The following TMPRSS15 variants were observed in gnomAD, a reference collection of about 807,000 sequenced individuals.
The protein encoded by TMPRSS15 is enteropeptidase.
In TMPRSS15, 128 loss-of-function variants were observed where a neutral mutation model predicts 125.3. That is an observed-to-expected ratio of 1.02 (90% CI 0.89 to 1.18). TMPRSS15 has a LOEUF of 1.18. Among genes scored for constraint, TMPRSS15 ranks in the 50% most tolerant of loss-of-function variants. The pLI is 0.00. For missense variants in TMPRSS15, 1,283 were observed against 1,212.7 expected (o/e 1.06, Z -0.86); for synonymous variants, 446 against 423.2 (o/e 1.05, Z -0.66).
rs147743156 is a variant in TMPRSS15, at chr21:18,332,130, T to A, written c.1608A>T (p.Thr536=). 6.2e-7 allele frequency: 1 copy of A among 1,614,106 alleles called. No individual in the cohort carries two copies. Among genetic ancestry groups the A allele is most frequent in the Non-Finnish European group, 8.5e-7 (1 of 1,179,956 alleles). ...TGTTTGGAAAGTTCGTAGAACTGAA[T>A]GTTGTATTTGGCTCCCACAGCTCAA... ...GPFELWEPNT[T]FSSTNFPNSY... The change falls in exon 14 of 25, where the codon ACA becomes ACT. Residue 536 remains threonine, a synonymous_variant. Coordinates refer to ENST00000284885, the MANE Select transcript of TMPRSS15 (RefSeq NM_002772.3).
chr21:18,294,011 G>A (rs1469721550), intron 21 of TMPRSS15, among the ~76,000 whole-genome samples: 1 of 152,136 alleles, frequency 6.6e-6, no homozygotes, highest in East Asian at 1.9e-4. Context: ...TTTTATGTAT[G>A]TAAAAGTGTA....
intron 1 of TMPRSS15, among the ~76,000 whole-genome samples, chr21:18,454,758 G>A (rs1978408097): frequency 6.6e-6 from 1 of 152,236 alleles, no homozygotes; most frequent in Admixed American, 6.5e-5. Context: ...ATTGGATAAT[G>A]CCTGTTCTCA....
intron 1 of TMPRSS15, among the ~76,000 whole-genome samples, chr21:18,416,950 C>G (rs2076181816): frequency 6.6e-6 from 1 of 152,020 alleles, no homozygotes; most frequent in Admixed American, 6.6e-5. Flanking sequence ...CAGTCAACGT[C>G]AACTGTCTTC....
At chr21:18,371,506 G>A (rs994168391) in intron 6 of TMPRSS15, among the ~76,000 whole-genome samples, 1 of 152,170 alleles carries the variant, frequency 6.6e-6, no homozygotes, top group Admixed American at 6.5e-5. Context: ...ATCAACTAGA[G>A]CCATGCTTGG....
Position 18,341,522 on chromosome 21 carries a change from C to G in TMPRSS15, c.1455G>C (p.Lys485Asn). Reference sequence around the variant, plus strand: ...CATCCAACGCAATATCACTCAGGATCTTGTTTTTAAAAGCATTAAAAGCAA... The same window carrying G: ...CATCCAACGCAATATCACTCAGGATGTTGTTTTTAAAAGCATTAAAAGCAA... Reference protein sequence around the residue: ...FKVAFNAFKNKILSDIALDDI... With the variant: ...FKVAFNAFKNNILSDIALDDI... Residue 485 changes from lysine to asparagine, a missense_variant, in exon 13 of 25, where the codon AAG becomes AAC. Lys to Asn is a moderately conservative substitution (Grantham distance 94). Coordinates refer to ENST00000284885, the MANE Select transcript of TMPRSS15 (RefSeq NM_002772.3). 6.2e-7 allele frequency: 1 copy of G among 1,614,088 alleles called. No individual in the cohort carries two copies. The highest frequency in any genetic ancestry group is 1.1e-5 in the South Asian group (1 of 91,078).
At chr21:18,333,302 C>G (rs2075362416) in intron 13 of TMPRSS15, among the ~76,000 whole-genome samples, 1 of 152,144 alleles carries the variant, frequency 6.6e-6, no homozygotes, top group Non-Finnish European at 1.5e-5. Context: ...ATTTCTTTAG[C>G]ATTCTTATGG....
intron 10 of TMPRSS15, among the ~76,000 whole-genome samples, chr21:18,346,783 TC>T (rs1367528544): frequency 2.0e-5 from 3 of 152,202 alleles, no homozygotes; most frequent in Non-Finnish European, 2.9e-5. Flanking sequence ...TTCTTGGGAA[TC>T]ATCTCTTACA....
intron 19 of TMPRSS15, among the ~76,000 whole-genome samples, chr21:18,297,475 A>C (rs1284639485): frequency 2.0e-5 from 3 of 152,222 alleles, no homozygotes; most frequent in Non-Finnish European, 4.4e-5. Flanking sequence ...TAAAATTAAA[A>C]CATGTCAAAT....
intron 16 of TMPRSS15, among the ~76,000 whole-genome samples, chr21:18,317,931 T>TCCCATCCCATCCC (rs2075190239): frequency 7.3e-6 from 1 of 137,918 alleles, no homozygotes; most frequent in Non-Finnish European, 1.5e-5. Flanking sequence ...TTCTATTCCA[T>TCCCATCCCATCCC]AACAAGGCAT....
intron 14 of TMPRSS15, among the ~76,000 whole-genome samples, chr21:18,330,671 C>T (rs149548083): frequency 1.9e-4 from 29 of 152,240 alleles, no homozygotes; most frequent in African/African-American, 5.5e-4. Context: ...AATACACATT[C>T]GTCAAATAAA....
intron 1 of TMPRSS15, among the ~76,000 whole-genome samples, chr21:18,470,374 A>G (rs1231867258): frequency 6.6e-6 from 1 of 152,012 alleles, no homozygotes; most frequent in African/African-American, 2.4e-5. Context: ...ACTGTCAAGA[A>G]TATTGCACAA....
intron 1 of TMPRSS15, among the ~76,000 whole-genome samples, chr21:18,424,742 A>G (rs2076198987): frequency 6.6e-6 from 1 of 152,152 alleles, no homozygotes. Context: ...ATGGTTAAAA[A>G]AGAGCTAGGC....
At chr21:18,395,243 G>A (rs2076024176) in intron 3 of TMPRSS15, among the ~76,000 whole-genome samples, 1 of 152,050 alleles carries the variant, frequency 6.6e-6, no homozygotes, top group South Asian at 2.1e-4. Context: ...TGACTCTTTA[G>A]CCTTAACTTT....
intron 1 of TMPRSS15, 104 bp downstream of exon 1, chr21:18,403,374 T>A: frequency 1.4e-6 from 2 of 1,464,992 alleles, no homozygotes; most frequent in Non-Finnish European, 1.9e-6. Context: ...CCCAAAATAA[T>A]GCATTTAGTT....
intron 21 of TMPRSS15, among the ~76,000 whole-genome samples, chr21:18,281,947 A>T (rs2074703927): frequency 6.6e-6 from 1 of 151,720 alleles, no homozygotes. Flanking sequence ...AATACAAAAA[A>T]TCAGCCGGGC....
intron 1 of TMPRSS15, among the ~76,000 whole-genome samples, chr21:18,465,925 T>G (rs1414028643): frequency 2.6e-5 from 4 of 152,156 alleles, no homozygotes; most frequent in Non-Finnish European, 5.9e-5. Flanking sequence ...AAATTTCATA[T>G]GGAACCAAAA....
chr21:18,467,669 A>G (rs2051932564), intron 1 of TMPRSS15, among the ~76,000 whole-genome samples: 1 of 152,134 alleles, frequency 6.6e-6, no homozygotes, highest in African/African-American at 2.4e-5. Context: ...TCTAAAATAT[A>G]CAGATTCAAT....
At chr21:18,290,756 A>C (rs554107610) in intron 21 of TMPRSS15, among the ~76,000 whole-genome samples, 25 of 152,176 alleles carry the variant, frequency 1.6e-4, no homozygotes, top group Non-Finnish European at 1.0e-4. Flanking sequence ...GTGATTCTGT[A>C]GGAAGTGTCC....
chr21:18,353,990 C>T (rs2075599912), intron 8 of TMPRSS15, 127 bp from the exon 9 acceptor site: 5 of 764,146 alleles, frequency 6.5e-6, no homozygotes, highest in East Asian at 2.7e-5. Flanking sequence ...TCTGATACCA[C>T]TTAGTTAACT....
Sources: allele counts gnomAD v4.1 joint callset (sites outside exome capture counted in the v4.1 genomes callset), GRCh38; gene constraint gnomAD v4.1.1; transcripts MANE v1.5; gene names NCBI Gene and HGNC (gene_info 2026-07-23, HGNC 2026-07-21).